The following IRAG2 variants were observed in gnomAD, a reference collection of about 807,000 sequenced individuals.
IRAG2 encodes the protein lymphoid restricted membrane protein.
In IRAG2, 45 loss-of-function variants were observed where a neutral mutation model predicts 69.9. The ratio of observed to expected loss-of-function variants is 0.64; its 90% CI spans 0.51 to 0.83. IRAG2 has a LOEUF of 0.83. IRAG2 is among the 40% of genes least tolerant of loss of function. The pLI is 0.00. For missense variants in IRAG2, 520 were observed against 587.0 expected (o/e 0.89, Z 1.18); for synonymous variants, 193 against 202.4 (o/e 0.95, Z 0.40).
chr12:25,046,973 G>A (rs954781291), intron 16 of IRAG2, among the ~76,000 whole-genome samples: 1 of 152,074 alleles, frequency 6.6e-6, no homozygotes, highest in South Asian at 2.1e-4. Context: ...TTAGCATAAA[G>A]ACAGATATAT....
intron 20 of IRAG2, among the ~76,000 whole-genome samples, chr12:25,104,839 AT>A (rs1307846244): frequency 6.6e-6 from 1 of 151,944 alleles, no homozygotes; most frequent in African/African-American, 2.4e-5. Flanking sequence ...CGTACGTATT[AT>A]ATAACATATA....
chr12:25,032,434 T>A, intron 12 of IRAG2: 1 of 398,824 alleles, frequency 2.5e-6, no homozygotes, highest in Non-Finnish European at 4.4e-6. Context: ...ATTGGCCCAA[T>A]TGAGCTTTGT....
intron 16 of IRAG2, chr12:25,101,927 C>A (rs933056067): frequency 3.1e-6 from 2 of 636,816 alleles, no homozygotes; most frequent in Non-Finnish European, 5.8e-6. Context: ...CTTTTGGATT[C>A]CTTTCTCCAG....
chr12:25,041,674 T>TC, intron 16 of IRAG2, among the ~76,000 whole-genome samples: 1 of 149,396 alleles, frequency 6.7e-6, no homozygotes, highest in East Asian at 2.0e-4. Flanking sequence ...TTTTTTTTGT[T>TC]TTTTTTTTTT....
chr12:25,057,051 C>G (rs1945302259), intron 1 of IRAG2, among the ~76,000 whole-genome samples: 1 of 152,104 alleles, frequency 6.6e-6, no homozygotes, highest in African/African-American at 2.4e-5. Context: ...CCCACCACCA[C>G]TGTTCTAGTG....
At chr12:25,102,014 T>C in intron 16 of IRAG2, 184 bp from the exon 17 acceptor site, 1 of 692,024 alleles carries the variant, frequency 1.4e-6, no homozygotes, top group Non-Finnish European at 2.7e-6. Context: ...CTGTATTCCA[T>C]TGGTTAAGAT....
At chr12:25,052,204 C>CTT (rs10690368), upstream of IRAG2, 96,547 of 267,936 alleles carry the variant, frequency 0.36, 23,148 homozygotes, top group Admixed American at 0.52. Context: ...GCGGTTTGGA[C>CTT]TTTTTTTTTT....
chr12:25,018,585 A>T (rs1004825228), intron 6 of IRAG2, among the ~76,000 whole-genome samples: 2 of 152,164 alleles, frequency 1.3e-5, no homozygotes, highest in Non-Finnish European at 2.9e-5. Context: ...TCTTTAAAAA[A>T]ATTGCTTACC....
intron 4 of IRAG2, among the ~76,000 whole-genome samples, chr12:25,065,242 A>G (rs549919376): frequency 4.9e-4 from 74 of 152,354 alleles, no homozygotes; most frequent in African/African-American, 1.8e-3. Context: ...AAACAGAGGA[A>G]CATTGAGTTA....
chr12:25,107,148 T>G (rs923283941), intron 21 of IRAG2, 98 bp downstream of exon 21: 1 of 522,850 alleles, frequency 1.9e-6, no homozygotes, highest in Non-Finnish European at 3.3e-6. Flanking sequence ...CTAAAAGACA[T>G]GCCAAATTGT....
chr12:25,064,704 A>G (rs1201874272), intron 4 of IRAG2, among the ~76,000 whole-genome samples: 1 of 152,222 alleles, frequency 6.6e-6, no homozygotes, highest in Non-Finnish European at 1.5e-5. Context: ...TGGAGTGTCT[A>G]TTTTGTGTCA....
intron 4 of IRAG2, 39 bp downstream of exon 4, chr12:25,063,855 G>A (rs898751602): frequency 2.5e-6 from 1 of 398,726 alleles, no homozygotes; most frequent in Non-Finnish European, 4.4e-6. Flanking sequence ...CACAAGTAGG[G>A]GTAGAGTTCT....
chr12:25,009,991 T>C (rs1944462515), intron 2 of IRAG2, among the ~76,000 whole-genome samples: 2 of 152,156 alleles, frequency 1.3e-5, no homozygotes, highest in African/African-American at 4.8e-5. Flanking sequence ...CATCCAAAAA[T>C]ACCCTCAGAG....
intron 10 of IRAG2, 97 bp downstream of exon 10, chr12:25,083,590 T>TC: frequency 1.4e-6 from 1 of 715,042 alleles, no homozygotes; most frequent in Non-Finnish European, 2.4e-6. Context: ...ATCTCATTTA[T>TC]CCTTTCAAAA....
At chr12:25,057,202 T>C (rs1026160410) in intron 1 of IRAG2, among the ~76,000 whole-genome samples, 3 of 151,896 alleles carry the variant, frequency 2.0e-5, no homozygotes, top group Non-Finnish European at 4.4e-5. Flanking sequence ...CTGGTTACAG[T>C]GTTGCACATA....
intron 15 of IRAG2, chr12:25,036,765 T>A (rs1254739217): frequency 2.5e-6 from 1 of 397,352 alleles, no homozygotes; most frequent in East Asian, 3.6e-5. Flanking sequence ...ACAGTACCAT[T>A]TCTAAGACTT....
chr12:25,088,233 A>C, intron 11 of IRAG2, 76 bp downstream of exon 11: 1 of 1,182,478 alleles, frequency 8.5e-7, no homozygotes, highest in Non-Finnish European at 1.3e-6. Context: ...ATCTGTCTGA[A>C]TAAAGCTATG....
intron 16 of IRAG2, among the ~76,000 whole-genome samples, chr12:25,040,123 G>A (rs1367488833): frequency 6.6e-6 from 1 of 152,178 alleles, no homozygotes; most frequent in African/African-American, 2.4e-5. Context: ...AGCATAAGAT[G>A]GTTATAACCT....
chr12:25,038,240 T>C, intron 16 of IRAG2: 1 of 396,308 alleles, frequency 2.5e-6, no homozygotes, highest in Non-Finnish European at 4.4e-6. Flanking sequence ...TATACATTGA[T>C]TTCAGATGAT....
Sources: allele counts gnomAD v4.1 joint callset (sites outside exome capture counted in the v4.1 genomes callset), GRCh38; gene constraint gnomAD v4.1.1; transcripts MANE v1.5; gene names NCBI Gene and HGNC (gene_info 2026-07-23, HGNC 2026-07-21).